CLINT1: variants seen among roughly 807,000 people sequenced by gnomAD.
CLINT1 encodes clathrin interactor 1.
Under a neutral mutation model 70.4 loss-of-function variants are expected in CLINT1, and 15 were observed. The ratio of observed to expected loss-of-function variants is 0.21; its 90% confidence interval spans 0.14 to 0.33. CLINT1 has a LOEUF of 0.33. CLINT1 is among the 10% of genes least tolerant of loss of function. The probability of loss-of-function intolerance (pLI) is 1.00; values close to 1 mark genes in which losing one functional copy is unlikely to be tolerated. For synonymous variants in CLINT1, 227 were observed against 254.7 expected (o/e 0.89, Z 1.04); for missense variants, 615 against 778.1 (o/e 0.79, Z 2.49).
At chr5:157,793,610 T>G (rs1336072263) in intron 9 of CLINT1, among the ~76,000 whole-genome samples, 1 of 152,184 alleles carries the variant, frequency 6.6e-6, no homozygotes, top group Admixed American at 6.5e-5. Flanking sequence ...ATAAAAACTT[T>G]GAGAATTAGA....
In CLINT1 at chr5:157,806,365, T is replaced by C. The variant is rs12517608; in HGVS notation, c.696-253A>G. Among the ~76,000 whole-genome samples the C allele has an allele frequency of 4.9e-3, 745 of 151,866 alleles. 5 individuals carry two copies. The highest frequency in any genetic ancestry group is 0.017 in the African/African-American group (709 of 41,246). On this transcript the variant is annotated intron_variant, in intron 6 of 11. Coordinates refer to ENST00000411809, the MANE Select transcript of CLINT1 (RefSeq NM_014666.4). ...TGCTACAAAAAAGTATTTACATAAA[T>C]GTGTATAAATAAAAAATGTCAAAAT...
At chr5:157,841,812 G>T (rs568939874) in intron 1 of CLINT1, among the ~76,000 whole-genome samples, 14 of 152,200 alleles carry the variant, frequency 9.2e-5, no homozygotes, top group African/African-American at 3.4e-4. Context: ...TATATTTTTT[G>T]TAGAGACAGG....
chr5:157,825,494 A>C (rs1273162615), intron 1 of CLINT1, among the ~76,000 whole-genome samples: 1 of 152,186 alleles, frequency 6.6e-6, no homozygotes, highest in Non-Finnish European at 1.5e-5. Flanking sequence ...ATACTTTTTA[A>C]ATCTATTTAA....
At chr5:157,844,223 T>C (rs1020591891) in intron 1 of CLINT1, among the ~76,000 whole-genome samples, 2 of 152,170 alleles carry the variant, frequency 1.3e-5, no homozygotes, top group African/African-American at 4.8e-5. Context: ...ACCTTTATAA[T>C]GTATTTTCCC....
chr5:157,839,339 GCCTGCAATCC>G (rs1763537327), intron 1 of CLINT1, among the ~76,000 whole-genome samples: 4 of 152,192 alleles, frequency 2.6e-5, no homozygotes, highest in Admixed American at 2.6e-4. Flanking sequence ...GGCGGCTTAC[GCCTGCAATCC>G]CAGCACTTTG....
Position 157,787,335 on chromosome 5 carries a change from C to A in CLINT1, c.*311G>T. The A allele has an allele frequency of 3.0e-6, 1 of 333,678 alleles. No homozygotes were observed. The highest frequency in any genetic ancestry group is 5.5e-6 in the Non-Finnish European group (1 of 182,026). 20.7% of individuals were successfully genotyped at this position (333,678 alleles called of 1,614,324 possible). A position where few individuals can be genotyped will look rare whatever the true frequency, so the allele number is the denominator to read the frequency against. ...TCAAACACATTTATTCAGCCCTATT[C>A]CAGTCTTCCCACAAATTATGCTGTT... On this transcript the variant is annotated 3_prime_UTR_variant, in exon 12 of 12. Transcript: ENST00000411809.
chr5:157,792,126 T>C, intron 9 of CLINT1, 131 bp from the exon 10 acceptor site: 1 of 711,704 alleles, frequency 1.4e-6, no homozygotes. Context: ...ACCATCTCCA[T>C]CTGGACAGTA....
intron 1 of CLINT1, among the ~76,000 whole-genome samples, chr5:157,845,764 C>G (rs1561673817): frequency 2.0e-5 from 3 of 152,108 alleles, no homozygotes; most frequent in Admixed American, 2.0e-4. Context: ...CCGTGTTAGC[C>G]AGGATGGTCT....
chr5:157,810,625 A>C lies in CLINT1; in HGVS notation c.518-820T>G, dbSNP rs976778236. Among the ~76,000 whole-genome samples, 8 of 152,358 alleles carry C rather than the reference A, an allele frequency of 5.3e-5. No homozygotes were observed. The East Asian group carries it at 7.7e-4, about 15-fold the overall frequency. On this transcript the variant is annotated intron_variant, in intron 5 of 11. Transcript: ENST00000411809. ...TTAGTCCTTGCCCCTAGGGACCCAA[A>C]GGAGACATAGGAATTACAGACACAA... is the stretch of plus-strand genomic sequence containing the variant.
chr5:157,794,205 C>A (rs940054727), intron 9 of CLINT1, among the ~76,000 whole-genome samples: 2 of 152,036 alleles, frequency 1.3e-5, no homozygotes, highest in Non-Finnish European at 2.9e-5. Flanking sequence ...CAACACCGTT[C>A]CCAGTTTTAG....
intron 1 of CLINT1, among the ~76,000 whole-genome samples, chr5:157,832,641 T>C (rs768377538): frequency 5.3e-5 from 8 of 152,224 alleles, no homozygotes; most frequent in Non-Finnish European, 8.8e-5. Context: ...ATATTTAGTG[T>C]TGGCCATGTT....
intron 1 of CLINT1, among the ~76,000 whole-genome samples, chr5:157,850,873 C>T (rs1334357862): frequency 1.3e-5 from 2 of 152,060 alleles, no homozygotes; most frequent in African/African-American, 2.4e-5. Context: ...CAGCTCACTG[C>T]AGCTTTCAAC....
At chr5:157,841,670 G>A (rs1753183003) in intron 1 of CLINT1, among the ~76,000 whole-genome samples, 1 of 152,136 alleles carries the variant, frequency 6.6e-6, no homozygotes, top group Non-Finnish European at 1.5e-5. Flanking sequence ...TGTCCAGGTG[G>A]AGTGCAGTGG....
intron 8 of CLINT1, among the ~76,000 whole-genome samples, chr5:157,801,813 G>C (rs1762230527): frequency 6.6e-6 from 1 of 152,090 alleles, no homozygotes; most frequent in South Asian, 2.1e-4. Context: ...GGAAATAATA[G>C]GGGGCTTTAT....
chr5:157,828,816 C>T (rs991742606), intron 1 of CLINT1, among the ~76,000 whole-genome samples: 62 of 150,656 alleles, frequency 4.1e-4, no homozygotes, highest in South Asian at 1.0e-3. Context: ...GGGCCGGGCA[C>T]GGTGGCTCAC....
intron 5 of CLINT1, 49 bp from the exon 6 acceptor site, chr5:157,809,854 A>C: frequency 6.5e-7 from 1 of 1,543,558 alleles, no homozygotes; most frequent in Non-Finnish European, 8.8e-7. Context: ...ATTAAATTCA[A>C]AAGGTATCTA....
chr5:157,849,768 A>C (rs1294645052), intron 1 of CLINT1, among the ~76,000 whole-genome samples: 1 of 152,232 alleles, frequency 6.6e-6, no homozygotes, highest in Non-Finnish European at 1.5e-5. Context: ...CAAATGCTCA[A>C]TAACTATTAG....
intron 1 of CLINT1, among the ~76,000 whole-genome samples, chr5:157,844,956 CATT>C (rs1561673191): frequency 6.6e-6 from 1 of 152,196 alleles, no homozygotes; most frequent in Non-Finnish European, 1.5e-5. Flanking sequence ...ACCTCACAGT[CATT>C]ATTCAGAATA....
chr5:157,789,024 T>C (rs1761818996), intron 11 of CLINT1, among the ~76,000 whole-genome samples: 1 of 151,190 alleles, frequency 6.6e-6, no homozygotes, highest in South Asian at 2.1e-4. Context: ...TAATGGCAAT[T>C]ACCCCTCAAC....
Sources: gnomAD v4.1 joint callset for allele counts (sites outside exome capture counted in the v4.1 genomes callset) on GRCh38, gnomAD v4.1.1 for gene constraint, MANE v1.5 for transcripts, NCBI Gene and HGNC (gene_info 2026-07-23, HGNC 2026-07-21) for gene names.